SPAG16: variants seen among roughly 807,000 people sequenced by gnomAD.
SPAG16 encodes sperm associated antigen 16, also known as sperm-associated antigen 16 protein.
In SPAG16, 86 loss-of-function variants were observed where a neutral mutation model predicts 80.4. That is an observed-to-expected ratio of 1.07 (90% CI 0.90 to 1.28). The LOEUF is 1.28. SPAG16 is among the 50% of genes most tolerant of loss of function. The pLI is 0.00. For missense variants in SPAG16, 870 were observed against 765.3 expected, an observed-to-expected ratio of 1.14 and a Z score of -1.61; for synonymous variants, 294 against 265.9, an observed-to-expected ratio of 1.11 and a Z score of -1.03.
chr2:213,527,336 T>C (rs1448859443), intron 10 of SPAG16, among the ~76,000 whole-genome samples: 1 of 152,180 alleles, frequency 6.6e-6, no homozygotes, highest in Non-Finnish European at 1.5e-5. Flanking sequence ...GACAGCTAAA[T>C]TGGTTAACAT....
intron 10 of SPAG16, among the ~76,000 whole-genome samples, chr2:213,547,496 T>C (rs2076648288): frequency 6.6e-6 from 1 of 152,178 alleles, no homozygotes; most frequent in African/African-American, 2.4e-5. Context: ...AACATAAACA[T>C]TTAAAGTATT....
chr2:214,232,536 T>C (rs868434223), intron 15 of SPAG16, among the ~76,000 whole-genome samples: 3 of 151,980 alleles, frequency 2.0e-5, no homozygotes, highest in Non-Finnish European at 4.4e-5. Flanking sequence ...ATATAAATCA[T>C]TGCATTCAAA....
chr2:213,970,179 T>C (rs972183057), intron 12 of SPAG16, among the ~76,000 whole-genome samples: 22 of 152,324 alleles, frequency 1.4e-4, no homozygotes, highest in African/African-American at 5.3e-4. Flanking sequence ...CATATCTTAA[T>C]ACTCTTGCAT....
chr2:214,026,217 T>C (rs2048121122), intron 13 of SPAG16, among the ~76,000 whole-genome samples: 1 of 151,314 alleles, frequency 6.6e-6, no homozygotes, highest in South Asian at 2.1e-4. Flanking sequence ...CATATATACA[T>C]ACATGCATAT....
chr2:213,917,241 A>C (rs1427516734), intron 11 of SPAG16, among the ~76,000 whole-genome samples: 1 of 152,060 alleles, frequency 6.6e-6, no homozygotes, highest in Admixed American at 6.6e-5. Context: ...TTTTCTTAAG[A>C]TTGCCTTAGC....
intron 15 of SPAG16, among the ~76,000 whole-genome samples, chr2:214,224,134 T>C (rs1202841636): frequency 1.3e-5 from 2 of 152,186 alleles, no homozygotes; most frequent in Non-Finnish European, 2.9e-5. Flanking sequence ...TCTGCTCTTC[T>C]TCCCAGGGGC....
chr2:213,388,979 G>T (rs998832133), intron 9 of SPAG16, among the ~76,000 whole-genome samples: 5 of 152,078 alleles, frequency 3.3e-5, no homozygotes, highest in Non-Finnish European at 1.5e-5. Context: ...TGCAAAAGAA[G>T]AACAAACTTG....
At position 214,392,354 on chromosome 2, in the gene SPAG16, C is replaced by G. The variant is rs1387835336; in HGVS notation, c.1721-17786C>G. 2.0e-5 allele frequency among the ~76,000 whole-genome samples: 3 copies of G among 152,082 alleles called. No homozygotes were observed. The East Asian group carries it at 5.8e-4, about 30-fold the overall frequency. On this transcript the variant is annotated intron_variant, in intron 15 of 15. Coordinates refer to ENST00000331683, the MANE Select transcript of SPAG16 (RefSeq NM_024532.5). Reference sequence around the variant, plus strand: ...TATTTTTATTAGAGACTGAGTCTCACCATGTTGGCCAGGCTGGTCTCGAAC... The same window carrying G: ...TATTTTTATTAGAGACTGAGTCTCAGCATGTTGGCCAGGCTGGTCTCGAAC...
At chr2:213,653,910 T>C (rs1469945471) in intron 10 of SPAG16, among the ~76,000 whole-genome samples, 2 of 152,276 alleles carry the variant, frequency 1.3e-5, no homozygotes, top group East Asian at 1.9e-4. Flanking sequence ...TATTTGACTA[T>C]TGAAATGCTT....
intron 9 of SPAG16, among the ~76,000 whole-genome samples, chr2:213,454,580 C>G (rs2071886685): frequency 6.6e-6 from 1 of 152,108 alleles, no homozygotes; most frequent in South Asian, 2.1e-4. Context: ...ACTTCTTCAT[C>G]TCTATTCTTA....
intron 5 of SPAG16, among the ~76,000 whole-genome samples, chr2:213,334,601 T>C (rs1317054110): frequency 6.6e-6 from 1 of 152,164 alleles, no homozygotes; most frequent in East Asian, 1.9e-4. Flanking sequence ...GTAGTACATA[T>C]ATGTAATGGA....
chr2:214,071,239 T>C (rs2050775895), intron 13 of SPAG16, among the ~76,000 whole-genome samples: 1 of 152,112 alleles, frequency 6.6e-6, no homozygotes, highest in Non-Finnish European at 1.5e-5. Context: ...TAGCATCTCC[T>C]GATTTGAATA....
intron 15 of SPAG16, among the ~76,000 whole-genome samples, chr2:214,261,742 G>A (rs993862122): frequency 6.6e-6 from 1 of 152,080 alleles, no homozygotes; most frequent in African/African-American, 2.4e-5. Flanking sequence ...TAAACGAAGT[G>A]TAAATATATG....
At chr2:214,212,466 C>T (rs541862386) in intron 15 of SPAG16, among the ~76,000 whole-genome samples, 9 of 152,260 alleles carry the variant, frequency 5.9e-5, no homozygotes, top group African/African-American at 1.9e-4. Flanking sequence ...GAACTTGGCA[C>T]TACCTGATAC....
At chr2:213,737,383 A>T (rs1378821138) in intron 10 of SPAG16, among the ~76,000 whole-genome samples, 2 of 152,132 alleles carry the variant, frequency 1.3e-5, no homozygotes, top group Admixed American at 6.5e-5. Flanking sequence ...CGGAGTCTTC[A>T]AAATTATCAC....
intron 10 of SPAG16, among the ~76,000 whole-genome samples, chr2:213,525,037 T>A (rs1378975329): frequency 6.6e-6 from 1 of 151,922 alleles, no homozygotes; most frequent in East Asian, 1.9e-4. Flanking sequence ...TCTTGGGAGG[T>A]AGCTTGTGGG....
intron 15 of SPAG16, among the ~76,000 whole-genome samples, chr2:214,270,139 A>G (rs968223259): frequency 6.6e-6 from 1 of 152,150 alleles, no homozygotes; most frequent in African/African-American, 2.4e-5. Context: ...CATGCACTTA[A>G]AAATGTATTG....
chr2:213,312,620 T>C (rs1483275650), intron 4 of SPAG16, among the ~76,000 whole-genome samples: 1 of 151,710 alleles, frequency 6.6e-6, no homozygotes, highest in Non-Finnish European at 1.5e-5. Flanking sequence ...AACACTTAGT[T>C]CTCTCCAGTT....
At chr2:214,404,755 C>T (rs1467159891) in intron 15 of SPAG16, among the ~76,000 whole-genome samples, 1 of 151,444 alleles carries the variant, frequency 6.6e-6, no homozygotes, top group Non-Finnish European at 1.5e-5. Context: ...AATTTTATTA[C>T]AGTTTGGAGT....
Sources: allele counts gnomAD v4.1 joint callset (sites outside exome capture counted in the v4.1 genomes callset), GRCh38; gene constraint gnomAD v4.1.1; transcripts MANE v1.5; gene names NCBI Gene and HGNC (gene_info 2026-07-23, HGNC 2026-07-21).